BLTP3A: variants seen among roughly 807,000 people sequenced by gnomAD.
BLTP3A encodes ICBP90 binding protein 1.
chr6:34,855,996 A>T, the BLTP3A span: 1 of 905,110 alleles, frequency 1.1e-6, no homozygotes, highest in Non-Finnish European at 1.3e-6. Context: ...GAGCCTCTCC[A>T]GTAGTCCATA....
At chr6:34,814,787 A>G in the BLTP3A span, among the ~76,000 whole-genome samples, 1 of 152,198 alleles carries the variant, frequency 6.6e-6, no homozygotes, top group Admixed American at 6.6e-5. Context: ...ATGGAGTTAC[A>G]CTATTAACTT....
At chr6:34,841,585 A>G in the BLTP3A span, among the ~76,000 whole-genome samples, 2 of 152,200 alleles carry the variant, frequency 1.3e-5, no homozygotes, top group African/African-American at 4.8e-5. Flanking sequence ...CATCACAGAA[A>G]GTTCTTTGGA....
the BLTP3A span, among the ~76,000 whole-genome samples, chr6:34,868,965 A>T: frequency 6.6e-6 from 1 of 151,972 alleles, no homozygotes; most frequent in African/African-American, 2.4e-5. Flanking sequence ...AATAATAACA[A>T]TACAATGAAC....
At chr6:34,840,990 G>A in the BLTP3A span, among the ~76,000 whole-genome samples, 5 of 151,970 alleles carry the variant, frequency 3.3e-5, no homozygotes, top group African/African-American at 1.2e-4. Context: ...TGTTGTTGTC[G>A]TTGTTGCTTT....
At chr6:34,822,032 A>G in the BLTP3A span, 1 of 1,566,774 alleles carries the variant, frequency 6.4e-7, no homozygotes, top group East Asian at 2.2e-5. Flanking sequence ...GGAGAAAATG[A>G]TAGGCTAACC....
At chr6:34,839,717 C>T in the BLTP3A span, among the ~76,000 whole-genome samples, 2 of 152,224 alleles carry the variant, frequency 1.3e-5, no homozygotes, top group African/African-American at 2.4e-5. Context: ...ACAGCTCTCT[C>T]GCACTGGCCC....
At chr6:34,869,613 A>G in the BLTP3A span, among the ~76,000 whole-genome samples, 3 of 125,414 alleles carry the variant, frequency 2.4e-5, no homozygotes, top group African/African-American at 6.2e-5. Flanking sequence ...TTTCATTACT[A>G]TATAATGTTA....
At chr6:34,876,086 G>A in the BLTP3A span, 1 of 152,656 alleles carries the variant, frequency 6.6e-6, no homozygotes, top group Non-Finnish European at 1.5e-5. Flanking sequence ...ATGCTTTAGT[G>A]TGTATGGACT....
the BLTP3A span, among the ~76,000 whole-genome samples, chr6:34,804,215 T>A: frequency 6.6e-6 from 1 of 152,194 alleles, no homozygotes; most frequent in East Asian, 1.9e-4. Flanking sequence ...TAGCTCTTCC[T>A]GGATGTCTGG....
chr6:34,864,325 CAA>C, the BLTP3A span: 1 of 1,005,420 alleles, frequency 9.9e-7, no homozygotes, highest in Admixed American at 2.8e-5. Flanking sequence ...TTAATCAAGA[CAA>C]AAAAAGAGAG....
At chr6:34,870,971 G>C in the BLTP3A span, 4 of 1,614,088 alleles carry the variant, frequency 2.5e-6, no homozygotes, top group Non-Finnish European at 3.4e-6. Flanking sequence ...TCACAAAATG[G>C]CTTCCTACAT....
At chr6:34,829,280 A>G in the BLTP3A span, among the ~76,000 whole-genome samples, 22 of 152,152 alleles carry the variant, frequency 1.4e-4, no homozygotes, top group Non-Finnish European at 2.6e-4. Context: ...CCTTAGCCCT[A>G]GGCAACCACT....
the BLTP3A span, chr6:34,855,585 C>T: frequency 1.2e-6 from 2 of 1,610,372 alleles, no homozygotes; most frequent in Non-Finnish European, 1.7e-6. Context: ...TTGTTCCTTC[C>T]ACTGCCATTC....
the BLTP3A span, chr6:34,858,601 A>T: frequency 6.2e-7 from 1 of 1,614,102 alleles, no homozygotes. Context: ...CTCAGAGGGG[A>T]GGCTGAAACC....
At chr6:34,874,264 C>T in the BLTP3A span, 1 of 152,268 alleles carries the variant, frequency 6.6e-6, no homozygotes, top group Non-Finnish European at 1.5e-5. Context: ...CACAGCGGCT[C>T]ACGCCTGTAA....
chr6:34,833,798 G>A, the BLTP3A span, among the ~76,000 whole-genome samples: 161 of 151,578 alleles, frequency 1.1e-3, no homozygotes, highest in African/African-American at 3.6e-3. Context: ...GTGGTGGCGC[G>A]TGGCTCCCAG....
the BLTP3A span, among the ~76,000 whole-genome samples, chr6:34,800,610 C>T: frequency 3.3e-5 from 5 of 152,076 alleles, no homozygotes; most frequent in African/African-American, 7.2e-5. Context: ...ATTAAAGTAC[C>T]GGTGCTGAAT....
chr6:34,802,004 T>C, the BLTP3A span, among the ~76,000 whole-genome samples: 1 of 152,172 alleles, frequency 6.6e-6, no homozygotes, highest in Non-Finnish European at 1.5e-5. Context: ...CCCCAAGTGC[T>C]GGGATTACAG....
At chr6:34,875,283 A>G in the BLTP3A span, 3 of 152,484 alleles carry the variant, frequency 2.0e-5, no homozygotes, top group Non-Finnish European at 4.4e-5. Context: ...CAAAGGCAGA[A>G]TGTTGATCTG....
Sources: gnomAD v4.1 joint callset for allele counts (sites outside exome capture counted in the v4.1 genomes callset) on GRCh38, gnomAD v4.1.1 for gene constraint, MANE v1.5 for transcripts, NCBI Gene and HGNC (gene_info 2026-07-23, HGNC 2026-07-21) for gene names.